The following PAPPA2 variants were observed in gnomAD, a reference collection of about 807,000 sequenced individuals.
PAPPA2 encodes the protein pappalysin-2.
A neutral mutation model predicts 176.4 loss-of-function variants in PAPPA2; 86 were observed. The ratio of observed to expected loss-of-function variants is 0.49; its 90% CI spans 0.41 to 0.58. The LOEUF (loss-of-function observed/expected upper bound fraction) is 0.58. Ranked by LOEUF, PAPPA2 falls within the 20% of genes least tolerant of loss-of-function variation. The pLI is 0.00. For synonymous variants in PAPPA2, 809 were observed against 852.2 expected, an observed-to-expected ratio of 0.95 and a Z score of 0.88; for missense variants, 2,073 against 2,256.9, an observed-to-expected ratio of 0.92 and a Z score of 1.65.
chr1:176,595,191 G>A lies in PAPPA2; in HGVS notation c.1587G>A (p.Val529=), dbSNP rs767323977. Residue 529 remains valine (V), a synonymous_variant, in exon 3 of 23, where the codon GTG becomes GTA. Coordinates refer to ENST00000367662, the MANE Select transcript of PAPPA2 (RefSeq NM_020318.3). ...LRGEKVIRYQ[V]VNICDDEGLN... is the part of the protein sequence containing the mutation. ...GAGAGAAGGTGATACGCTACCAGGT[G>A]GTGAACATCTGTGATGATGAGGGCC... 6.2e-7 allele frequency: 1 copy of A among 1,614,214 alleles called. No homozygotes were observed. Among genetic ancestry groups the A allele is most frequent in the Non-Finnish European group, 8.5e-7 (1 of 1,180,046 alleles).
At chr1:176,606,156 C>T (rs34054514) in intron 3 of PAPPA2, among the ~76,000 whole-genome samples, 3 of 151,528 alleles carry the variant, frequency 2.0e-5, no homozygotes, top group African/African-American at 7.3e-5. Flanking sequence ...CACCATAGCT[C>T]CAAAAAGTAA....
intron 17 of PAPPA2, among the ~76,000 whole-genome samples, chr1:176,784,599 T>TC (rs1664852505): frequency 6.6e-6 from 1 of 151,794 alleles, no homozygotes; most frequent in Admixed American, 6.6e-5. Context: ...TCTTTTTTTT[T>TC]TTTTTTAGAC....
intron 3 of PAPPA2, among the ~76,000 whole-genome samples, chr1:176,626,801 T>A (rs1467883967): frequency 1.3e-5 from 2 of 152,030 alleles, no homozygotes; most frequent in Admixed American, 1.3e-4. Flanking sequence ...TCTCACTACC[T>A]TTTTGGGCCA....
At chr1:176,490,070 C>T (rs1231658636) in intron 1 of PAPPA2, among the ~76,000 whole-genome samples, 1 of 151,896 alleles carries the variant, frequency 6.6e-6, no homozygotes, top group African/African-American at 2.4e-5. Flanking sequence ...AGAACAGGTG[C>T]TACTTGGGCC....
At position 176,547,557 on chromosome 1, in the gene PAPPA2, C is replaced by T. The variant is rs137942515; in HGVS notation, c.-916-7850C>T. On this transcript the variant is annotated intron_variant, in intron 1 of 22. Transcript: ENST00000367662. ...AGGTAGCAATGACCTGTGCCAAACCCATGCAAAAACTTTAAGAGCAACTGC... is the reference window on the plus strand; with the variant it reads ...AGGTAGCAATGACCTGTGCCAAACCTATGCAAAAACTTTAAGAGCAACTGC... Among the ~76,000 whole-genome samples the T allele has an allele frequency of 2.3e-3, 352 of 152,288 alleles. 2 individuals carry two copies. The highest frequency in any genetic ancestry group is 8.2e-3 in the African/African-American group (340 of 41,558).
chr1:176,739,100 C>T (rs1463696963), intron 12 of PAPPA2, among the ~76,000 whole-genome samples: 1 of 152,102 alleles, frequency 6.6e-6, no homozygotes, highest in African/African-American at 2.4e-5. Context: ...GCATATCTCC[C>T]ATGTCAGAGT....
chr1:176,844,807 A>AGGAACAT lies in PAPPA2; in HGVS notation c.*2357_*2363dup, dbSNP rs1332813367. On this transcript the variant is annotated 3_prime_UTR_variant, in exon 23 of 23. Coordinates refer to ENST00000367662, the MANE Select transcript of PAPPA2 (RefSeq NM_020318.3). ...TGTTATCCTGGGCATTACTCAGCTC[A>AGGAACAT]GGAACATGGAGCCTGTGGTTCATGC... The AGGAACAT allele has an allele frequency of 6.6e-6, 1 of 152,198 alleles. No individual in the cohort carries two copies. The highest frequency in any genetic ancestry group is 1.5e-5 in the Non-Finnish European group (1 of 68,032). The allele number at this position is 152,198 out of a possible 1,614,324, so 9.4% of individuals were successfully genotyped here.
intron 2 of PAPPA2, among the ~76,000 whole-genome samples, chr1:176,559,965 C>T (rs1013118874): frequency 1.3e-5 from 2 of 152,186 alleles, no homozygotes; most frequent in Non-Finnish European, 2.9e-5. Context: ...GCCCCAGATG[C>T]GGGGGTCTTA....
intron 12 of PAPPA2, among the ~76,000 whole-genome samples, chr1:176,733,097 T>C (rs1662237539): frequency 6.6e-6 from 1 of 152,168 alleles, no homozygotes; most frequent in African/African-American, 2.4e-5. Flanking sequence ...AGTTTCATCC[T>C]GAAACCATCC....
chr1:176,827,782 C>T (rs1666914696), intron 21 of PAPPA2, among the ~76,000 whole-genome samples: 2 of 152,006 alleles, frequency 1.3e-5, no homozygotes, highest in Non-Finnish European at 2.9e-5. Flanking sequence ...GATCAAATAT[C>T]CCAGGATTCT....
At chr1:176,616,121 C>T (rs1175976606) in intron 3 of PAPPA2, among the ~76,000 whole-genome samples, 1 of 152,178 alleles carries the variant, frequency 6.6e-6, no homozygotes, top group Non-Finnish European at 1.5e-5. Context: ...CCAAATCTGT[C>T]TAGCTTGCAG....
At chr1:176,567,163 C>A (rs1652033413) in intron 2 of PAPPA2, among the ~76,000 whole-genome samples, 1 of 152,172 alleles carries the variant, frequency 6.6e-6, no homozygotes, top group Non-Finnish European at 1.5e-5. Context: ...TCAAAACAAC[C>A]TTCCTTTTTG....
At chr1:176,535,631 CAG>C (rs887104599) in intron 1 of PAPPA2, among the ~76,000 whole-genome samples, 1 of 152,038 alleles carries the variant, frequency 6.6e-6, no homozygotes. Flanking sequence ...AGTGTGGGGC[CAG>C]AGAAGCAGTA....
At chr1:176,509,727 G>A (rs1158056587) in intron 1 of PAPPA2, among the ~76,000 whole-genome samples, 1 of 152,072 alleles carries the variant, frequency 6.6e-6, no homozygotes, top group Non-Finnish European at 1.5e-5. Flanking sequence ...ACTTTGCTGG[G>A]CATGGTGAAT....
intron 1 of PAPPA2, among the ~76,000 whole-genome samples, chr1:176,538,523 C>T (rs1187671060): frequency 6.6e-6 from 1 of 152,184 alleles, no homozygotes; most frequent in Non-Finnish European, 1.5e-5. Flanking sequence ...TTCCTGAAGT[C>T]AAACCAAGTT....
intron 14 of PAPPA2, among the ~76,000 whole-genome samples, chr1:176,745,155 A>G (rs1308564224): frequency 6.6e-6 from 1 of 152,166 alleles, no homozygotes; most frequent in Non-Finnish European, 1.5e-5. Flanking sequence ...GATTTTTATC[A>G]CTATTTATCC....
chr1:176,750,957 G>A (rs1171356716), intron 14 of PAPPA2, among the ~76,000 whole-genome samples: 2 of 151,914 alleles, frequency 1.3e-5, no homozygotes, highest in Non-Finnish European at 2.9e-5. Context: ...TTTCTTCTAG[G>A]GTTTTTATGG....
At chr1:176,722,740 G>T (rs2102851588) in intron 12 of PAPPA2, among the ~76,000 whole-genome samples, 1 of 152,080 alleles carries the variant, frequency 6.6e-6, no homozygotes, top group Middle Eastern at 3.4e-3. Flanking sequence ...CTGACTACTT[G>T]GTTGCTCTCA....
Position 176,594,703 on chromosome 1 carries a change from G to C in PAPPA2, c.1099G>C (p.Val367Leu), listed in dbSNP as rs1454493987. 1.2e-6 allele frequency: 2 copies of C among 1,614,120 alleles called. No individual in the cohort carries two copies. The highest frequency in any genetic ancestry group is 2.7e-5 in the African/African-American group (2 of 74,940). Residue 367 changes from valine to leucine, a missense_variant, in exon 3 of 23, where the codon GTG becomes CTG. Val to Leu is a conservative substitution (Grantham distance 32, BLOSUM62 1). Transcript: ENST00000367662. The stretch of plus-strand genomic sequence containing the variant: ...CTACCAACCAGGCACATGGACCCAT[G>C]TGGCAGCCACTTACGATGGACGGCA... ...SRYQPGTWTH[V>L]AATYDGRHMA... is the part of the protein sequence containing the mutation.
Sources: gnomAD v4.1 joint callset for allele counts (sites outside exome capture counted in the v4.1 genomes callset) on GRCh38, gnomAD v4.1.1 for gene constraint, MANE v1.5 for transcripts, NCBI Gene and HGNC (gene_info 2026-07-23, HGNC 2026-07-21) for gene names.